Variants in ADGRB3 observed in about 807,000 individuals in gnomAD.
The protein encoded by ADGRB3 is brain-specific angiogenesis inhibitor 3.
Under a neutral mutation model 193.4 loss-of-function variants are expected in ADGRB3, and 37 were observed. The observed-to-expected ratio is 0.19, with a 90% CI of 0.15 to 0.25. The LOEUF (loss-of-function observed/expected upper bound fraction) is 0.25, where lower values mean the gene tolerates loss of function less well. Among genes scored for constraint, ADGRB3 ranks in the 10% least tolerant of loss-of-function variants. ADGRB3 has a pLI of 1.00. For missense variants in ADGRB3, 1,637 were observed against 1,852.9 expected, an observed-to-expected ratio of 0.88 and a Z score of 2.14; for synonymous variants, 690 against 644.2, an observed-to-expected ratio of 1.07 and a Z score of -1.08.
At chr6:68,980,547 T>G (rs796832950) in intron 10 of ADGRB3, among the ~76,000 whole-genome samples, 7 of 151,778 alleles carry the variant, frequency 4.6e-5, no homozygotes, top group African/African-American at 1.7e-4. Context: ...ATAACACATT[T>G]TATTACTTCA....
At chr6:69,103,362 A>G (rs1582463009) in intron 17 of ADGRB3, among the ~76,000 whole-genome samples, 1 of 152,338 alleles carries the variant, frequency 6.6e-6, no homozygotes, top group East Asian at 1.9e-4. Flanking sequence ...GTAGACATCA[A>G]AAAAACTATT....
intron 29 of ADGRB3, among the ~76,000 whole-genome samples, chr6:69,367,251 T>A (rs1210683271): frequency 2.0e-5 from 3 of 152,078 alleles, no homozygotes; most frequent in Non-Finnish European, 4.4e-5. Flanking sequence ...GAAGTTAAAA[T>A]GCAAAGGAGA....
chr6:69,361,363 G>A lies in ADGRB3; in HGVS notation c.4090G>A (p.Glu1364Lys), dbSNP rs1769447408. ...AATGGACCAGTTCAATATGAACTTA[G>A]AGCAACATCTCGCACCCCAGGAACA... ...PVMDQFNMNL[E>K]QHLAPQEHMQ... The change falls in exon 29 of 32, where the codon GAG (glutamate) becomes AAG (lysine). Residue 1364 changes from glutamate to lysine, a missense_variant. By Grantham distance (56) the Glu-to-Lys change is moderately conservative. Coordinates refer to ENST00000370598, the MANE Select transcript of ADGRB3 (RefSeq NM_001704.3). 2 of 1,612,866 alleles carry A rather than the reference G, an allele frequency of 1.2e-6. No individual in the cohort carries two copies. Among genetic ancestry groups the A allele is most frequent in the African/African-American group, 1.3e-5 (1 of 74,796 alleles).
At position 68,993,889 on chromosome 6, in the gene ADGRB3, C is replaced by T; in HGVS notation, c.1856C>T (p.Ser619Phe). Residue 619 changes from serine (S) to phenylalanine (F), a missense_variant, in exon 11 of 32, where the codon TCT (serine) becomes TTT (phenylalanine). Transcript: ENST00000370598. Reference protein sequence around the residue: ...KNFYAGDLLMSVEILRNVTDT... With the variant: ...KNFYAGDLLMFVEILRNVTDT... ...TTCTATGCAGGCGATCTTCTGATGT[C>T]TGTGGAGATCCTGAGAAATGTGACA... is the stretch of plus-strand genomic sequence containing the variant. 1 of 1,613,924 alleles carries T rather than the reference C, an allele frequency of 6.2e-7. No homozygotes were observed. The highest frequency in any genetic ancestry group is 8.5e-7 in the Non-Finnish European group (1 of 1,179,878).
chr6:69,332,466 T>A (rs1405708218), intron 23 of ADGRB3: 4 of 985,392 alleles, frequency 4.1e-6, no homozygotes, highest in Non-Finnish European at 4.8e-6. Flanking sequence ...AAGCATTCTG[T>A]CCTCTGTGTT....
At chr6:69,093,491 G>T (rs763566817) in intron 17 of ADGRB3, among the ~76,000 whole-genome samples, 1 of 151,446 alleles carries the variant, frequency 6.6e-6, no homozygotes, top group Non-Finnish European at 1.5e-5. Flanking sequence ...GGCAAACTTT[G>T]TTCATAGATA....
chr6:68,832,293 TATA>T (rs1291026228), intron 3 of ADGRB3, among the ~76,000 whole-genome samples: 3 of 152,132 alleles, frequency 2.0e-5, no homozygotes, highest in African/African-American at 7.2e-5. Flanking sequence ...CTGAGAAAGG[TATA>T]ATGTTGATTT....
intron 3 of ADGRB3, among the ~76,000 whole-genome samples, chr6:68,824,429 T>G (rs1767804615): frequency 6.7e-6 from 1 of 149,602 alleles, no homozygotes; most frequent in South Asian, 2.1e-4. Context: ...TAGATATATT[T>G]ACATATAAAT....
chr6:69,131,304 T>C (rs776132437), intron 17 of ADGRB3, among the ~76,000 whole-genome samples: 19 of 152,050 alleles, frequency 1.2e-4, no homozygotes, highest in Non-Finnish European at 2.4e-4. Flanking sequence ...CCAAACAATA[T>C]TGAAGAAAGT....
intron 20 of ADGRB3, among the ~76,000 whole-genome samples, chr6:69,293,161 T>C (rs1024308427): frequency 1.5e-4 from 23 of 152,232 alleles, no homozygotes; most frequent in African/African-American, 5.5e-4. Context: ...TGTTTAAAAG[T>C]TATAAATCAA....
chr6:69,350,259 G>GT (rs1459280125), intron 26 of ADGRB3, among the ~76,000 whole-genome samples: 2 of 149,436 alleles, frequency 1.3e-5, no homozygotes, highest in African/African-American at 4.9e-5. Context: ...ATAGCTTATT[G>GT]TTTTTTCTTC....
chr6:69,084,534 A>C (rs1339353604), intron 17 of ADGRB3, among the ~76,000 whole-genome samples: 1 of 152,192 alleles, frequency 6.6e-6, no homozygotes, highest in African/African-American at 2.4e-5. Context: ...TTAGCATATG[A>C]ATAATGATCT....
intron 3 of ADGRB3, among the ~76,000 whole-genome samples, chr6:68,754,902 G>A (rs1057448551): frequency 3.7e-4 from 56 of 152,152 alleles, no homozygotes; most frequent in Admixed American, 3.6e-3. Flanking sequence ...AGGACACTCA[G>A]CCAGATGGAC....
intron 17 of ADGRB3, among the ~76,000 whole-genome samples, chr6:69,147,104 A>G (rs1774524298): frequency 6.6e-6 from 1 of 151,296 alleles, no homozygotes; most frequent in Non-Finnish European, 1.5e-5. Flanking sequence ...TTTTTGTTGC[A>G]TTTATCTTTT....
intron 3 of ADGRB3, among the ~76,000 whole-genome samples, chr6:68,763,828 T>A (rs547508999): frequency 6.6e-6 from 1 of 152,286 alleles, no homozygotes; most frequent in African/African-American, 2.4e-5. Flanking sequence ...ATCCCAGGAC[T>A]TTGGGAGGCC....
At chr6:68,957,316 T>G (rs1423040308) in intron 8 of ADGRB3, among the ~76,000 whole-genome samples, 1 of 152,142 alleles carries the variant, frequency 6.6e-6, no homozygotes, top group Non-Finnish European at 1.5e-5. Flanking sequence ...GAGAAAATAA[T>G]GAAAGGTCAG....
At chr6:69,081,049 T>C (rs1315741544) in intron 17 of ADGRB3, among the ~76,000 whole-genome samples, 1 of 151,994 alleles carries the variant, frequency 6.6e-6, no homozygotes, top group Admixed American at 6.6e-5. Context: ...GAATAACTAA[T>C]TTTGGCTGAC....
intron 3 of ADGRB3, among the ~76,000 whole-genome samples, chr6:68,775,587 C>T (rs765297344): frequency 1.9e-4 from 29 of 152,248 alleles, no homozygotes; most frequent in Non-Finnish European, 4.1e-4. Context: ...TTATAAAGCA[C>T]TCAGAATGGT....
chr6:69,308,837 C>G (rs1393520067), intron 20 of ADGRB3, among the ~76,000 whole-genome samples: 2 of 151,514 alleles, frequency 1.3e-5, no homozygotes, highest in African/African-American at 2.4e-5. Context: ...CAGCTGACAA[C>G]AAGGAGGAAA....
Sources: gnomAD v4.1 joint callset for allele counts (sites outside exome capture counted in the v4.1 genomes callset) on GRCh38, gnomAD v4.1.1 for gene constraint, MANE v1.5 for transcripts, NCBI Gene and HGNC (gene_info 2026-07-23, HGNC 2026-07-21) for gene names.